PTPRD: variants seen among roughly 807,000 people sequenced by gnomAD.
PTPRD encodes receptor-type tyrosine-protein phosphatase delta.
PTPRD carries 34 observed loss-of-function variants against 214.5 expected under a neutral mutation model. The ratio of observed to expected loss-of-function variants is 0.16; its 90% CI spans 0.12 to 0.21. The LOEUF is 0.21. PTPRD is among the 10% of genes least tolerant of loss of function. The pLI is 1.00. For synonymous variants in PTPRD, 1,128 were observed against 845.7 expected (o/e 1.33, Z -5.79); for missense variants, 2,545 against 2,398.7 (o/e 1.06, Z -1.27).
intron 9 of PTPRD, among the ~76,000 whole-genome samples, chr9:9,318,727 C>G (rs937951806): frequency 6.6e-6 from 1 of 152,100 alleles, no homozygotes; most frequent in Non-Finnish European, 1.5e-5. Context: ...AACATCCAGA[C>G]AGTTGTCTAC....
intron 7 of PTPRD, among the ~76,000 whole-genome samples, chr9:9,655,355 A>C (rs375006831): frequency 5.3e-5 from 8 of 152,282 alleles, no homozygotes; most frequent in African/African-American, 1.9e-4. Context: ...AGATCACCTG[A>C]GGTCAGGAGT....
intron 35 of PTPRD, among the ~76,000 whole-genome samples, chr9:8,418,511 T>C (rs997926107): frequency 1.3e-5 from 2 of 152,174 alleles, no homozygotes; most frequent in Non-Finnish European, 2.9e-5. Flanking sequence ...GTCTGGTATA[T>C]ATCTGTGTAG....
chr9:9,912,710 TAATAA>T (rs2079554770), intron 5 of PTPRD, among the ~76,000 whole-genome samples: 1 of 152,200 alleles, frequency 6.6e-6, no homozygotes, highest in Non-Finnish European at 1.5e-5. Context: ...ACAACTGCAC[TAATAA>T]AATGATGTCA....
intron 10 of PTPRD, among the ~76,000 whole-genome samples, chr9:9,034,802 C>G (rs566799048): frequency 6.6e-6 from 1 of 152,122 alleles, no homozygotes; most frequent in Non-Finnish European, 1.5e-5. Context: ...TTGTGAGACT[C>G]AGCAATGCAG....
chr9:9,395,546 A>G lies in PTPRD; in HGVS notation c.-203+1903T>C, dbSNP rs553590083. Among the ~76,000 whole-genome samples, 23 of 152,232 alleles carry G rather than the reference A, an allele frequency of 1.5e-4. No homozygotes were observed. The South Asian group carries it at 3.1e-3, about 21-fold the overall frequency. Reference sequence around the variant, plus strand: ...ACTTCTACTTCCATGGCCTTCTTCAAGCACCTACAAGACTCTGGGTTTCAG... The same window carrying G: ...ACTTCTACTTCCATGGCCTTCTTCAGGCACCTACAAGACTCTGGGTTTCAG... On this transcript the variant is annotated intron_variant, in intron 9 of 45. Transcript: ENST00000381196.
chr9:9,921,669 A>T (rs1008126824), intron 5 of PTPRD, among the ~76,000 whole-genome samples: 1 of 151,676 alleles, frequency 6.6e-6, no homozygotes, highest in Non-Finnish European at 1.5e-5. Flanking sequence ...TGATGAATTA[A>T]CAGTAGGTAT....
At chr9:10,054,067 AC>A (rs1411751436) in intron 3 of PTPRD, among the ~76,000 whole-genome samples, 1 of 151,974 alleles carries the variant, frequency 6.6e-6, no homozygotes, top group Non-Finnish European at 1.5e-5. Context: ...CGACTTTAAA[AC>A]TTTGATTCAA....
At chr9:10,034,264 C>T (rs1175432192) in intron 3 of PTPRD, among the ~76,000 whole-genome samples, 1 of 152,030 alleles carries the variant, frequency 6.6e-6, no homozygotes, top group Non-Finnish European at 1.5e-5. Context: ...AAAGTTAAAA[C>T]TAAATTTATC....
At chr9:9,704,745 G>T (rs2097567326) in intron 7 of PTPRD, among the ~76,000 whole-genome samples, 1 of 152,190 alleles carries the variant, frequency 6.6e-6, no homozygotes, top group Non-Finnish European at 1.5e-5. Flanking sequence ...CACATGAAGT[G>T]CTCTTGTTGA....
chr9:9,627,931 C>T (rs1432280442), intron 7 of PTPRD, among the ~76,000 whole-genome samples: 1 of 152,070 alleles, frequency 6.6e-6, no homozygotes, highest in Non-Finnish European at 1.5e-5. Flanking sequence ...TAACCAAAAC[C>T]TATATTTTAC....
rs184296276 is a variant in PTPRD at position 9,619,296 on chromosome 9, C to T, written c.-286-44515G>A. Among the ~76,000 whole-genome samples, 49 of 151,560 alleles carry T rather than the reference C, an allele frequency of 3.2e-4. No individual in the cohort carries two copies. The East Asian group carries it at 5.8e-3, about 18-fold the overall frequency. On this transcript the variant is annotated intron_variant, in intron 7 of 45. Transcript: ENST00000381196. ...GTTGCAGTATCATTTTGAGACTAGA[C>T]GATTAAGATACAGGAGAAAGGAAAT... is the stretch of plus-strand genomic sequence containing the variant.
At chr9:8,776,485 A>G (rs2095479818) in intron 11 of PTPRD, among the ~76,000 whole-genome samples, 1 of 150,444 alleles carries the variant, frequency 6.6e-6, no homozygotes, top group Non-Finnish European at 1.5e-5. Flanking sequence ...GTTAGTAAAG[A>G]TGGGATTTCG....
chr9:10,458,644 G>T (rs902617437), intron 2 of PTPRD, among the ~76,000 whole-genome samples: 3 of 152,128 alleles, frequency 2.0e-5, no homozygotes, highest in African/African-American at 7.2e-5. Context: ...AAGCAAAGAT[G>T]CCCATTCTTG....
At chr9:9,545,808 A>T (rs191232238) in intron 8 of PTPRD, among the ~76,000 whole-genome samples, 3 of 151,910 alleles carry the variant, frequency 2.0e-5, no homozygotes, top group Admixed American at 2.0e-4. Context: ...TAAACTTTAG[A>T]ATTAGTTTAT....
intron 12 of PTPRD, among the ~76,000 whole-genome samples, chr9:8,718,711 T>C (rs568533067): frequency 6.6e-6 from 1 of 152,198 alleles, no homozygotes; most frequent in Non-Finnish European, 1.5e-5. Context: ...TTCCTACATC[T>C]GCAGAAACGT....
At chr9:9,197,599 T>A (rs923726576) in intron 9 of PTPRD, among the ~76,000 whole-genome samples, 1 of 152,062 alleles carries the variant, frequency 6.6e-6, no homozygotes, top group Non-Finnish European at 1.5e-5. Flanking sequence ...TTAGTAGAGA[T>A]GGAGTTTCAC....
intron 6 of PTPRD, among the ~76,000 whole-genome samples, chr9:9,737,491 G>A (rs566429223): frequency 1.1e-4 from 16 of 152,186 alleles, no homozygotes; most frequent in African/African-American, 3.6e-4. Flanking sequence ...GTACCTATTA[G>A]CAGCCAATAT....
intron 6 of PTPRD, among the ~76,000 whole-genome samples, chr9:9,746,392 C>T (rs1180566588): frequency 6.6e-6 from 1 of 152,054 alleles, no homozygotes; most frequent in African/African-American, 2.4e-5. Context: ...GAAAACATAT[C>T]TAAAAATCTA....
intron 10 of PTPRD, among the ~76,000 whole-genome samples, chr9:9,109,366 C>T (rs935100568): frequency 1.3e-5 from 2 of 152,094 alleles, no homozygotes; most frequent in Admixed American, 6.6e-5. Context: ...GCTATGGTGT[C>T]AGTAAGCTCT....
Sources: gnomAD v4.1 joint callset for allele counts (sites outside exome capture counted in the v4.1 genomes callset) on GRCh38, gnomAD v4.1.1 for gene constraint, MANE v1.5 for transcripts, NCBI Gene and HGNC (gene_info 2026-07-23, HGNC 2026-07-21) for gene names.